NTRK2: variants seen among roughly 807,000 people sequenced by gnomAD.
The protein encoded by NTRK2 is neurotrophic receptor tyrosine kinase 2, also known as BDNF/NT-3 growth factors receptor.
A neutral mutation model predicts 94.5 loss-of-function variants in NTRK2; 13 were observed. The ratio of observed to expected loss-of-function variants is 0.14; its 90% CI spans 0.09 to 0.22. NTRK2 has a LOEUF of 0.22. Ranked by LOEUF, NTRK2 falls within the 10% of genes least tolerant of loss-of-function variation. NTRK2 has a pLI of 1.00. For synonymous variants in NTRK2, 372 were observed against 407.4 expected (o/e 0.91, Z 1.05); for missense variants, 639 against 1,071.2 (o/e 0.60, Z 5.63).
chr9:84,923,346 T>A (rs1431837630), intron 14 of NTRK2, among the ~76,000 whole-genome samples: 1 of 152,226 alleles, frequency 6.6e-6, no homozygotes, highest in Admixed American at 6.5e-5. Context: ...CTGTTATCGC[T>A]GTTTACCACA....
At chr9:84,976,072 C>G (rs1027443348) in intron 17 of NTRK2, among the ~76,000 whole-genome samples, 3 of 152,144 alleles carry the variant, frequency 2.0e-5, no homozygotes, top group African/African-American at 7.2e-5. Context: ...GTCCTCAAAA[C>G]AGTGGGAAGC....
chr9:84,880,687 CAT>C (rs550199399), intron 14 of NTRK2, among the ~76,000 whole-genome samples: 18 of 152,192 alleles, frequency 1.2e-4, no homozygotes, highest in Non-Finnish European at 2.5e-4. Context: ...GACAGACACA[CAT>C]GTTGACCAAT....
chr9:84,872,325 C>A, intron 14 of NTRK2: 1 of 1,104,956 alleles, frequency 9.1e-7, no homozygotes, highest in Non-Finnish European at 1.1e-6. Flanking sequence ...AACATACTAA[C>A]CAGCAAAATC....
At chr9:84,813,633 G>C (rs1289905206) in intron 12 of NTRK2, 2 of 1,065,894 alleles carry the variant, frequency 1.9e-6, no homozygotes, top group African/African-American at 3.3e-5. Context: ...GTGACCCTCA[G>C]CTGTCTCCCT....
intron 14 of NTRK2, 28 bp from the exon 15 acceptor site, chr9:84,934,134 C>T (rs2132717332): frequency 6.2e-7 from 1 of 1,613,242 alleles, no homozygotes; most frequent in South Asian, 1.1e-5. Flanking sequence ...GCTTCAATTC[C>T]AATTTCCATT....
At chr9:85,018,966 G>C (rs1207949290) in intron 17 of NTRK2, among the ~76,000 whole-genome samples, 4 of 152,098 alleles carry the variant, frequency 2.6e-5, no homozygotes, top group African/African-American at 9.7e-5. Flanking sequence ...TGTCAAATTT[G>C]GATGCATCAT....
chr9:84,950,295 CACAGT>C (rs2078734264), intron 16 of NTRK2, among the ~76,000 whole-genome samples: 1 of 152,182 alleles, frequency 6.6e-6, no homozygotes, highest in African/African-American at 2.4e-5. Context: ...TGGTAGGGTC[CACAGT>C]GAGTGATCTC....
intron 17 of NTRK2, among the ~76,000 whole-genome samples, chr9:84,998,216 A>G (rs1829972640): frequency 6.6e-6 from 1 of 152,220 alleles, no homozygotes; most frequent in Non-Finnish European, 1.5e-5. Flanking sequence ...ACAAGCAAGC[A>G]GTCAATCACA....
chr9:84,768,414 C>G (rs2066227145), intron 12 of NTRK2, among the ~76,000 whole-genome samples: 1 of 152,142 alleles, frequency 6.6e-6, no homozygotes, highest in Admixed American at 6.6e-5. Context: ...AATCCTCTCC[C>G]CTTGCCAAGC....
chr9:84,838,267 T>C (rs1480188009), intron 12 of NTRK2, among the ~76,000 whole-genome samples: 2 of 152,140 alleles, frequency 1.3e-5, no homozygotes, highest in Non-Finnish European at 2.9e-5. Flanking sequence ...GAGGAAGTTA[T>C]GTGGACAAGA....
chr9:84,913,414 C>A (rs533060598), intron 14 of NTRK2, among the ~76,000 whole-genome samples: 1 of 152,100 alleles, frequency 6.6e-6, no homozygotes, highest in Non-Finnish European at 1.5e-5. Context: ...ACATTAAAAT[C>A]ACAACAGAAA....
At chr9:84,684,096 C>T (rs1248150427) in intron 2 of NTRK2, among the ~76,000 whole-genome samples, 1 of 151,738 alleles carries the variant, frequency 6.6e-6, no homozygotes, top group Non-Finnish European at 1.5e-5. Flanking sequence ...GGATATTAGA[C>T]CTTTGTCAGA....
At chr9:84,800,902 C>A (rs189518708) in intron 12 of NTRK2, among the ~76,000 whole-genome samples, 40 of 152,274 alleles carry the variant, frequency 2.6e-4, no homozygotes, top group African/African-American at 8.9e-4. Context: ...GCCACTCTTT[C>A]AGTTTGGGCC....
intron 12 of NTRK2, among the ~76,000 whole-genome samples, chr9:84,830,846 A>G (rs2073499953): frequency 6.6e-6 from 1 of 152,218 alleles, no homozygotes; most frequent in African/African-American, 2.4e-5. Flanking sequence ...ATTACAAAGT[A>G]GTAAAGATTT....
chr9:84,878,008 A>T (rs1272692893), intron 14 of NTRK2: 1 of 943,334 alleles, frequency 1.1e-6, no homozygotes, highest in East Asian at 8.0e-5. Context: ...AGAGCTCTAG[A>T]AGTTGTCCGC....
chr9:84,760,547 T>C (rs976094296), intron 12 of NTRK2, among the ~76,000 whole-genome samples: 1 of 152,224 alleles, frequency 6.6e-6, no homozygotes, highest in Non-Finnish European at 1.5e-5. Context: ...AATGTGCTGA[T>C]ATGTGTGCTT....
At chr9:84,961,440 G>A (rs540714730) in intron 17 of NTRK2, among the ~76,000 whole-genome samples, 5 of 152,288 alleles carry the variant, frequency 3.3e-5, no homozygotes, top group Non-Finnish European at 1.5e-5. Context: ...ACAGTTCAGA[G>A]GAACCCGTCT....
At chr9:85,004,037 G>GAAAGAAAGAAAGAAAGAAAGAAAAGA (rs1588162161) in intron 17 of NTRK2, among the ~76,000 whole-genome samples, 1 of 28,940 alleles carries the variant, frequency 3.5e-5, no homozygotes, top group Non-Finnish European at 7.4e-5. Flanking sequence ...AAGAAAGAGA[G>GAAAGAAAGAAAGAAAGAAAGAAAAGA]AAAGAAAGGG....
At chr9:84,712,426 G>A (rs2061470810) in intron 6 of NTRK2, among the ~76,000 whole-genome samples, 1 of 152,154 alleles carries the variant, frequency 6.6e-6, no homozygotes, top group Non-Finnish European at 1.5e-5. Flanking sequence ...TCAATGAATT[G>A]TGTGTCTAAG....
Sources: allele counts gnomAD v4.1 joint callset (sites outside exome capture counted in the v4.1 genomes callset), GRCh38; gene constraint gnomAD v4.1.1; transcripts MANE v1.5; gene names NCBI Gene and HGNC (gene_info 2026-07-23, HGNC 2026-07-21).